Variants in PCDH15 observed in about 807,000 individuals in gnomAD.
PCDH15 encodes the protein protocadherin related 15.
In PCDH15, 129 loss-of-function variants were observed where a neutral mutation model predicts 178.5. The ratio of observed to expected loss-of-function variants is 0.72; its 90% confidence interval spans 0.63 to 0.84. The LOEUF (loss-of-function observed/expected upper bound fraction) is 0.84. Ranked by LOEUF, PCDH15 falls within the 40% of genes least tolerant of loss-of-function variation. The probability of loss-of-function intolerance (pLI) is 0.00; values close to 1 mark genes in which losing one functional copy is unlikely to be tolerated. For missense variants in PCDH15, 2,230 were observed against 2,099.9 expected (o/e 1.06, Z -1.21); for synonymous variants, 800 against 732.0 (o/e 1.09, Z -1.50).
chr10:55,188,813 A>C (rs1359815546), intron 1 of PCDH15, among the ~76,000 whole-genome samples: 1 of 151,780 alleles, frequency 6.6e-6, no homozygotes, highest in Non-Finnish European at 1.5e-5. Flanking sequence ...TTATTATTTC[A>C]ATGTAAATAT....
intron 2 of PCDH15, among the ~76,000 whole-genome samples, chr10:54,535,250 T>A (rs2084347779): frequency 6.6e-6 from 1 of 152,194 alleles, no homozygotes; most frequent in Admixed American, 6.5e-5. Context: ...TTACTCAACA[T>A]CATTGCTTTC....
At chr10:54,184,770 T>TGTTG (rs2048336810) in intron 12 of PCDH15, among the ~76,000 whole-genome samples, 1 of 151,998 alleles carries the variant, frequency 6.6e-6, no homozygotes, top group South Asian at 2.1e-4. Context: ...AATCACTGGC[T>TGTTG]CAACCTTATG....
chr10:54,779,274 C>T (rs868660772), intron 1 of PCDH15, among the ~76,000 whole-genome samples: 1 of 150,672 alleles, frequency 6.6e-6, no homozygotes, highest in Non-Finnish European at 1.5e-5. Flanking sequence ...CAGAACTCTG[C>T]ATTGAGGATA....
chr10:55,199,016 AC>A (rs1840170405), intron 1 of PCDH15, among the ~76,000 whole-genome samples: 1 of 152,072 alleles, frequency 6.6e-6, no homozygotes, highest in Non-Finnish European at 1.5e-5. Flanking sequence ...GGGAATGATC[AC>A]AGAAAATTGG....
intron 25 of PCDH15, among the ~76,000 whole-genome samples, chr10:53,913,430 CT>C (rs1255309065): frequency 6.6e-6 from 1 of 151,928 alleles, no homozygotes; most frequent in Non-Finnish European, 1.5e-5. Context: ...CAAATGAGAT[CT>C]AGTTAAAATA....
At chr10:55,522,484 T>C (rs1379223406) in intron 2 of PCDH15, among the ~76,000 whole-genome samples, 1 of 151,824 alleles carries the variant, frequency 6.6e-6, no homozygotes, top group African/African-American at 2.4e-5. Context: ...TTGCTTTATA[T>C]ATGTTATTGC....
chr10:55,465,177 C>A (rs2132099957), intron 2 of PCDH15, among the ~76,000 whole-genome samples: 1 of 152,276 alleles, frequency 6.6e-6, no homozygotes, highest in African/African-American at 2.4e-5. Flanking sequence ...ATCATGAGGG[C>A]TGGCAGTCTG....
At chr10:54,337,756 G>T (rs1941467137) in intron 6 of PCDH15, among the ~76,000 whole-genome samples, 1 of 152,088 alleles carries the variant, frequency 6.6e-6, no homozygotes, top group Admixed American at 6.6e-5. Context: ...CAACCAATCA[G>T]TGTATAGAAC....
intron 3 of PCDH15, among the ~76,000 whole-genome samples, chr10:54,869,398 TA>T (rs1263766637): frequency 6.6e-6 from 1 of 152,206 alleles, no homozygotes; most frequent in Non-Finnish European, 1.5e-5. Flanking sequence ...TTCTGTAGTT[TA>T]AAGCTACTTG....
intron 8 of PCDH15, among the ~76,000 whole-genome samples, chr10:54,315,602 C>T (rs117772551): frequency 0.035 from 5,368 of 152,230 alleles, 147 homozygotes; most frequent in Non-Finnish European, 0.052. Context: ...AAATCTTTGC[C>T]TGTGCCTTTG....
At chr10:54,555,824 G>T (rs1439063192) in intron 2 of PCDH15, among the ~76,000 whole-genome samples, 1 of 151,522 alleles carries the variant, frequency 6.6e-6, no homozygotes, top group Non-Finnish European at 1.5e-5. Context: ...ACCTAATTTG[G>T]ACTATGGAGT....
intron 2 of PCDH15, among the ~76,000 whole-genome samples, chr10:55,610,608 G>C (rs1843346239): frequency 6.6e-6 from 1 of 151,934 alleles, no homozygotes; most frequent in Non-Finnish European, 1.5e-5. Flanking sequence ...TTAAATAAAG[G>C]GCTAAGACGT....
At chr10:53,888,429 T>C (rs2081305185) in intron 26 of PCDH15, among the ~76,000 whole-genome samples, 1 of 143,616 alleles carries the variant, frequency 7.0e-6, no homozygotes, top group African/African-American at 2.5e-5. Context: ...ACAAATTACA[T>C]AGGAGTAGAA....
chr10:54,703,443 C>T (rs79123292), intron 1 of PCDH15, among the ~76,000 whole-genome samples: 11,980 of 152,014 alleles, frequency 0.079, 526 homozygotes, highest in South Asian at 0.14. Context: ...CAAACTGTCT[C>T]TATGTGCAGA....
chr10:55,446,739 G>T (rs1351592658), intron 2 of PCDH15, among the ~76,000 whole-genome samples: 1 of 151,998 alleles, frequency 6.6e-6, no homozygotes, highest in African/African-American at 2.4e-5. Flanking sequence ...TTGCCCTATT[G>T]TACATCTGCC....
At chr10:55,478,325 C>A (rs1024537390) in intron 2 of PCDH15, among the ~76,000 whole-genome samples, 1 of 151,514 alleles carries the variant, frequency 6.6e-6, no homozygotes, top group Non-Finnish European at 1.5e-5. Flanking sequence ...ATGGACCCAA[C>A]AGATATTTAA....
chr10:55,253,613 T>TG (rs961743321), intron 1 of PCDH15, among the ~76,000 whole-genome samples: 48 of 152,076 alleles, frequency 3.2e-4, no homozygotes, highest in African/African-American at 1.2e-3. Context: ...TAAGTTTTTT[T>TG]TTTCTTTTTT....
intron 8 of PCDH15, among the ~76,000 whole-genome samples, chr10:54,307,088 ATATATGTGTGTGTGTG>A (rs2060568466): frequency 9.4e-5 from 1 of 10,588 alleles, no homozygotes; most frequent in African/African-American, 4.4e-4. Flanking sequence ...ATACATATAT[ATATATGTGTGTGTGTG>A]TATATATATA....
At chr10:54,736,096 TC>T (rs1407332847) in intron 1 of PCDH15, among the ~76,000 whole-genome samples, 2 of 152,132 alleles carry the variant, frequency 1.3e-5, no homozygotes, top group East Asian at 3.9e-4. Flanking sequence ...TTTAGAGTTA[TC>T]CCTCTTGAGC....
Sources: gnomAD v4.1 joint callset for allele counts (sites outside exome capture counted in the v4.1 genomes callset) on GRCh38, gnomAD v4.1.1 for gene constraint, MANE v1.5 for transcripts, NCBI Gene and HGNC (gene_info 2026-07-23, HGNC 2026-07-21) for gene names.